Variants in GPHN observed in about 807,000 individuals in gnomAD.
GPHN encodes the protein gephyrin.
Under a neutral mutation model 95.5 loss-of-function variants are expected in GPHN, and 17 were observed. The ratio of observed to expected loss-of-function variants is 0.18; its 90% confidence interval spans 0.12 to 0.27. The LOEUF (loss-of-function observed/expected upper bound fraction) is 0.27, where lower values mean the gene tolerates loss of function less well. Ranked by LOEUF, GPHN falls within the 10% of genes least tolerant of loss-of-function variation. The pLI, the probability that GPHN is intolerant of heterozygous loss-of-function variation, is 1.00. For missense variants in GPHN, 660 were observed against 978.1 expected, an observed-to-expected ratio of 0.67 and a Z score of 4.34; for synonymous variants, 320 against 322.5, an observed-to-expected ratio of 0.99 and a Z score of 0.08.
the GPHN span, among the ~76,000 whole-genome samples, chr14:67,212,598 A>AAT: frequency 3.8e-4 from 52 of 135,904 alleles, no homozygotes; most frequent in Admixed American, 1.6e-3. Flanking sequence ...TGAAAAAAAA[A>AAT]ATATATATAT....
chr14:67,624,697 A>C, the GPHN span, among the ~76,000 whole-genome samples: 50,179 of 152,048 alleles, frequency 0.33, 8,914 homozygotes, highest in African/African-American at 0.46. Flanking sequence ...TTGGGGATTA[A>C]AATTCAACAT....
chr14:66,583,459 C>G (rs1406999481), intron 1 of GPHN, among the ~76,000 whole-genome samples: 1 of 151,990 alleles, frequency 6.6e-6, no homozygotes, highest in Non-Finnish European at 1.5e-5. Context: ...AAGTCCTTGC[C>G]CATGTCTGTG....
chr14:66,761,341 T>G (rs1435090896), intron 2 of GPHN, among the ~76,000 whole-genome samples: 1 of 152,178 alleles, frequency 6.6e-6, no homozygotes, highest in Admixed American at 6.5e-5. Context: ...TGACAAAAAT[T>G]CATGGCTAGT....
chr14:67,537,227 C>G, the GPHN span, among the ~76,000 whole-genome samples: 107 of 140,934 alleles, frequency 7.6e-4, 2 homozygotes, highest in African/African-American at 2.7e-3. Flanking sequence ...ACCTGTAATC[C>G]CAGCTACTCA....
chr14:67,408,721 C>T, the GPHN span, among the ~76,000 whole-genome samples: 6 of 152,316 alleles, frequency 3.9e-5, no homozygotes, highest in African/African-American at 1.4e-4. Context: ...AGAGGCAGCA[C>T]GGCCCTGGCA....
At chr14:67,695,357 G>T in the GPHN span, among the ~76,000 whole-genome samples, 1 of 152,134 alleles carries the variant, frequency 6.6e-6, no homozygotes, top group African/African-American at 2.4e-5. Context: ...GGATTCCCTG[G>T]AGCCAGAATC....
At chr14:66,604,515 A>G (rs2062418146) in intron 1 of GPHN, among the ~76,000 whole-genome samples, 1 of 152,098 alleles carries the variant, frequency 6.6e-6, no homozygotes, top group Admixed American at 6.5e-5. Context: ...TCTGGCTATA[A>G]TTTTGGAGTA....
chr14:67,398,982 G>T, the GPHN span, among the ~76,000 whole-genome samples: 3 of 152,172 alleles, frequency 2.0e-5, no homozygotes, highest in Non-Finnish European at 2.9e-5. Context: ...TGTAACTGAG[G>T]TTGTTCCATT....
At position 66,892,448 on chromosome 14, in the gene GPHN, T is replaced by C. The variant is rs1217554969; in HGVS notation, c.389+12415T>C. ...AAAGAATTGAAAGCAGGGACTGTAATAGATATTTGCACGCCAATATTCATA... is the reference window on the plus strand; with the variant it reads ...AAAGAATTGAAAGCAGGGACTGTAACAGATATTTGCACGCCAATATTCATA... On this transcript the variant is annotated intron_variant, in intron 5 of 22. Coordinates refer to ENST00000478722, the MANE Select transcript of GPHN (RefSeq NM_020806.5). 5.3e-5 allele frequency among the ~76,000 whole-genome samples: 8 copies of C among 152,150 alleles called. No homozygotes were observed. In the East Asian group the frequency reaches 9.6e-4, roughly 18 times the overall value.
At chr14:67,278,198 G>A in the GPHN span, among the ~76,000 whole-genome samples, 1 of 151,960 alleles carries the variant, frequency 6.6e-6, no homozygotes, top group Non-Finnish European at 1.5e-5. Context: ...CACCACACCT[G>A]GCTAGTTTTT....
chr14:67,639,798 A>G, the GPHN span, among the ~76,000 whole-genome samples: 1 of 151,986 alleles, frequency 6.6e-6, no homozygotes, highest in Non-Finnish European at 1.5e-5. Flanking sequence ...GGTGGCGCAC[A>G]CCTGTAATCC....
At chr14:67,020,609 A>G (rs967548493) in intron 9 of GPHN, among the ~76,000 whole-genome samples, 9 of 152,192 alleles carry the variant, frequency 5.9e-5, no homozygotes, top group East Asian at 1.9e-4. Flanking sequence ...TCTCAAAACA[A>G]TCTTGATTAG....
chr14:66,712,276 C>T (rs951386718), intron 2 of GPHN, among the ~76,000 whole-genome samples: 2 of 152,196 alleles, frequency 1.3e-5, no homozygotes, highest in East Asian at 3.9e-4. Flanking sequence ...TTTTAATGAT[C>T]GCCATTCTAA....
At chr14:67,309,229 C>G in the GPHN span, among the ~76,000 whole-genome samples, 6 of 151,912 alleles carry the variant, frequency 3.9e-5, no homozygotes, top group African/African-American at 1.5e-4. Context: ...GTATGAGAAA[C>G]AAAATAATTT....
chr14:67,456,585 A>G, the GPHN span, among the ~76,000 whole-genome samples: 1 of 151,476 alleles, frequency 6.6e-6, no homozygotes, highest in African/African-American at 2.4e-5. Context: ...CTGGGCAAGA[A>G]GAGCAAAACT....
intron 4 of GPHN, among the ~76,000 whole-genome samples, chr14:66,830,471 T>G (rs917586155): frequency 2.0e-5 from 3 of 152,036 alleles, no homozygotes; most frequent in African/African-American, 7.2e-5. Context: ...AATTTTAAAC[T>G]GAGAAAAAGT....
At chr14:66,992,825 G>T (rs1350543421) in intron 9 of GPHN, among the ~76,000 whole-genome samples, 1 of 152,050 alleles carries the variant, frequency 6.6e-6, no homozygotes, top group African/African-American at 2.4e-5. Context: ...AATTATATGA[G>T]ATTCAAATTT....
At position 67,108,310 on chromosome 14, in the gene GPHN, A is replaced by T. The variant is rs549246049; in HGVS notation, c.1294-1830A>T. On this transcript the variant is annotated intron_variant, in intron 13 of 22. Transcript: ENST00000478722. ...AAAGAGCAAGGGGAATGAAAACTCT[A>T]CTTTTCTGTCTCTCTCCTACCCTCT... Among the ~76,000 whole-genome samples the T allele has an allele frequency of 2.0e-5, 3 of 152,236 alleles. No homozygotes were observed. The South Asian group carries it at 6.2e-4, about 32-fold the overall frequency.
At chr14:67,532,083 G>C in the GPHN span, among the ~76,000 whole-genome samples, 109 of 152,264 alleles carry the variant, frequency 7.2e-4, 1 homozygote, top group Middle Eastern at 0.01. Context: ...CTATAAAGCT[G>C]TTTGCAAGTT....
Sources: gnomAD v4.1 joint callset for allele counts (sites outside exome capture counted in the v4.1 genomes callset) on GRCh38, gnomAD v4.1.1 for gene constraint, MANE v1.5 for transcripts, NCBI Gene and HGNC (gene_info 2026-07-23, HGNC 2026-07-21) for gene names.